The following SORT1 variants were observed in gnomAD, a reference collection of about 807,000 sequenced individuals.
The protein encoded by SORT1 is sortilin 1.
A neutral mutation model predicts 101.7 loss-of-function variants in SORT1; 39 were observed. That is an observed-to-expected ratio of 0.38 (90% CI 0.30 to 0.50). SORT1 has a LOEUF of 0.50. SORT1 is among the 20% of genes least tolerant of loss of function. The pLI is 0.90. For missense variants in SORT1, 878 were observed against 1,040.4 expected, an observed-to-expected ratio of 0.84 and a Z score of 2.15; for synonymous variants, 396 against 393.7, an observed-to-expected ratio of 1.01 and a Z score of -0.07.
chr1:109,359,752 T>C (rs1055690825), intron 3 of SORT1, among the ~76,000 whole-genome samples: 3 of 152,132 alleles, frequency 2.0e-5, no homozygotes, highest in African/African-American at 7.2e-5. Flanking sequence ...TTCCCACATC[T>C]GCCTCCCAAA....
intron 1 of SORT1, chr1:109,392,798 T>C (rs765938361): frequency 1.0e-4 from 99 of 984,690 alleles, no homozygotes; most frequent in Non-Finnish European, 1.1e-4. Context: ...ATACATTGCA[T>C]GAGAGAAGAC....
intron 6 of SORT1, among the ~76,000 whole-genome samples, chr1:109,348,966 C>A (rs749779757): frequency 6.6e-6 from 1 of 151,758 alleles, no homozygotes; most frequent in Non-Finnish European, 1.5e-5. Flanking sequence ...CAGGCCTTAT[C>A]TTAAAAAAAG....
chr1:109,395,208 CTTTTTTTT>C (rs71069681), intron 1 of SORT1, among the ~76,000 whole-genome samples: 1 of 42,600 alleles, frequency 2.3e-5, no homozygotes. Flanking sequence ...AACGCAAAAA[CTTTTTTTT>C]TTTTTTTTTT....
intron 1 of SORT1, among the ~76,000 whole-genome samples, chr1:109,390,765 G>GTGTGTA (rs1241703412): frequency 4.3e-5 from 6 of 141,048 alleles, no homozygotes; most frequent in African/African-American, 1.8e-4. Flanking sequence ...GTGTGTGTGT[G>GTGTGTA]TGTGTATGTG....
At chr1:109,391,613 A>G (rs1652919129) in intron 1 of SORT1, among the ~76,000 whole-genome samples, 1 of 152,232 alleles carries the variant, frequency 6.6e-6, no homozygotes, top group African/African-American at 2.4e-5. Context: ...GGGATAGAGA[A>G]GGAAAAACAG....
chr1:109,350,794 C>T, intron 6 of SORT1, 135 bp downstream of exon 6: 2 of 679,984 alleles, frequency 2.9e-6, no homozygotes, highest in Non-Finnish European at 5.4e-6. Flanking sequence ...TGTCACACCC[C>T]TCTCCAATAT....
chr1:109,357,890 A>G (rs1650439919), intron 3 of SORT1, among the ~76,000 whole-genome samples: 1 of 152,220 alleles, frequency 6.6e-6, no homozygotes, highest in Non-Finnish European at 1.5e-5. Context: ...TCTTCCTGAC[A>G]GCTGGCCAAG....
At chr1:109,370,972 G>A (rs1651451401) in intron 1 of SORT1, among the ~76,000 whole-genome samples, 1 of 152,184 alleles carries the variant, frequency 6.6e-6, no homozygotes, top group African/African-American at 2.4e-5. Flanking sequence ...AACATGAACT[G>A]TTTTGTTTAT....
At chr1:109,396,379 G>A (rs906675878) in intron 1 of SORT1, among the ~76,000 whole-genome samples, 6 of 152,134 alleles carry the variant, frequency 3.9e-5, no homozygotes, top group Non-Finnish European at 2.9e-5. Flanking sequence ...CTGTGAGAAG[G>A]AAGTCTATTC....
In SORT1 at chr1:109,312,621, G is replaced by A. The variant is rs1166806821; in HGVS notation, c.*1422C>T. 4 of 152,336 alleles carry A rather than the reference G, an allele frequency of 2.6e-5. No homozygotes were observed. Among genetic ancestry groups the A allele is most frequent in the Non-Finnish European group, 1.5e-5 (1 of 68,006 alleles). 9.4% of individuals were successfully genotyped at this position (152,336 alleles called of 1,614,324 possible). A position where few individuals can be genotyped will look rare whatever the true frequency, so the allele number is the denominator to read the frequency against. ...AGTCATAATCATTGGGAGAAACTGT[G>A]ACCCGCACAGTAGCTACATTAAGAC... On this transcript the variant is annotated 3_prime_UTR_variant, in exon 20 of 20. Coordinates refer to ENST00000256637, the MANE Select transcript of SORT1 (RefSeq NM_002959.7).
intron 2 of SORT1, 136 bp downstream of exon 2, chr1:109,369,394 T>C (rs540525579): frequency 1.7e-5 from 11 of 643,320 alleles, no homozygotes; most frequent in Non-Finnish European, 3.1e-5. Flanking sequence ...TGAAAGTCTG[T>C]CTTGCAAACA....
intron 3 of SORT1, among the ~76,000 whole-genome samples, chr1:109,363,701 T>C (rs1004031101): frequency 6.6e-5 from 10 of 152,210 alleles, no homozygotes; most frequent in African/African-American, 2.4e-4. Context: ...AAATGAACCT[T>C]TAACCATATA....
intron 3 of SORT1, among the ~76,000 whole-genome samples, chr1:109,360,029 G>A (rs1355623571): frequency 6.6e-6 from 1 of 152,162 alleles, no homozygotes; most frequent in African/African-American, 2.4e-5. Flanking sequence ...TGGAAAAGAC[G>A]AAAGGTGACT....
In SORT1 at chr1:109,309,986, G is replaced by A. The variant is rs1450562533; in HGVS notation, c.*4057C>T. On this transcript the variant is annotated 3_prime_UTR_variant, in exon 20 of 20. Coordinates refer to ENST00000256637, the MANE Select transcript of SORT1 (RefSeq NM_002959.7). ...GAGCATTTCTGTGCACGAGGATAAG[G>A]AGAGTATGACCAAAACCCTCCTCCC... The A allele has an allele frequency of 2.0e-5, 3 of 152,610 alleles. No individual in the cohort carries two copies. Among genetic ancestry groups the A allele is most frequent in the Admixed American group, 6.5e-5 (1 of 15,272 alleles). The allele number at this position is 152,610 out of a possible 1,614,324, so 9.5% of individuals were successfully genotyped here.
intron 5 of SORT1, among the ~76,000 whole-genome samples, chr1:109,353,160 T>C (rs567203840): frequency 6.6e-6 from 1 of 151,870 alleles, no homozygotes; most frequent in East Asian, 1.9e-4. Flanking sequence ...ACCCTGTCTC[T>C]ACTAAAAATA....
chr1:109,338,289 G>A (rs1283665834), intron 10 of SORT1, among the ~76,000 whole-genome samples: 2 of 152,154 alleles, frequency 1.3e-5, no homozygotes, highest in Admixed American at 1.3e-4. Context: ...AGAACTGGCA[G>A]GTGGACAGTA....
In SORT1 at chr1:109,310,168, T is replaced by G. The variant is rs951795563; in HGVS notation, c.*3875A>C. On this transcript the variant is annotated 3_prime_UTR_variant, in exon 20 of 20. Coordinates refer to ENST00000256637, the MANE Select transcript of SORT1 (RefSeq NM_002959.7). ...ACTATACAGTTTATATATGTATATA[T>G]GTACACACACATATATATAAAGGTA... 1 of 152,672 alleles carries G rather than the reference T, an allele frequency of 6.5e-6. No individual in the cohort carries two copies. The highest frequency in any genetic ancestry group is 1.5e-5 in the Non-Finnish European group (1 of 68,042). 9.5% of individuals were successfully genotyped at this position (152,672 alleles called of 1,614,324 possible). A position where few individuals can be genotyped will look rare whatever the true frequency, so the allele number is the denominator to read the frequency against.
rs1471845944 is a variant in SORT1 at position 109,358,916 on chromosome 1, C to A, written c.441-3447G>T. ...AATTCTATGCATCAACACTAATATC[C>A]ATTTTCTGGTTACCAAAAATAAATG... On this transcript the variant is annotated intron_variant, in intron 3 of 19. Transcript: ENST00000256637. 2.0e-5 allele frequency among the ~76,000 whole-genome samples: 3 copies of A among 151,484 alleles called. No individual in the cohort carries two copies. In the East Asian group the frequency reaches 5.8e-4, roughly 29 times the overall value.
intron 1 of SORT1, among the ~76,000 whole-genome samples, chr1:109,374,443 TA>T (rs1396367150): frequency 6.6e-6 from 1 of 151,780 alleles, no homozygotes; most frequent in Non-Finnish European, 1.5e-5. Flanking sequence ...TACTAAAAAT[TA>T]GCCAAGTGTG....
Sources: allele counts gnomAD v4.1 joint callset (sites outside exome capture counted in the v4.1 genomes callset), GRCh38; gene constraint gnomAD v4.1.1; transcripts MANE v1.5; gene names NCBI Gene and HGNC (gene_info 2026-07-23, HGNC 2026-07-21).